MAP3K7: variants seen among roughly 807,000 people sequenced by gnomAD.
The protein encoded by MAP3K7 is TGF-beta activated kinase 1.
In MAP3K7, 21 loss-of-function variants were observed where a neutral mutation model predicts 84.8. The observed-to-expected ratio is 0.25, with a 90% CI of 0.18 to 0.36. MAP3K7 has a LOEUF of 0.36. Among genes scored for constraint, MAP3K7 ranks in the 10% least tolerant of loss-of-function variants. MAP3K7 has a pLI of 1.00. For missense variants in MAP3K7, 503 were observed against 747.7 expected, an observed-to-expected ratio of 0.67 and a Z score of 3.82; for synonymous variants, 241 against 247.7, an observed-to-expected ratio of 0.97 and a Z score of 0.25.
chr6:90,520,357 C>A (rs1170402144), intron 14 of MAP3K7, among the ~76,000 whole-genome samples: 1 of 151,458 alleles, frequency 6.6e-6, no homozygotes, highest in Non-Finnish European at 1.5e-5. Flanking sequence ...AATTTATTGT[C>A]AACTGATAAT....
chr6:90,587,042 G>T lies in MAP3K7; in HGVS notation c.-159C>A. On this transcript the variant is annotated 5_prime_UTR_variant, in exon 1 of 17. Coordinates refer to ENST00000369329, the MANE Select transcript of MAP3K7 (RefSeq NM_145331.3). ...GGGTAGAGGCAGCGGCCACAGCCGT[G>T]TCCGGCTCTGGCTCCGCTGCGTTTT... 1 of 830,462 alleles carries T rather than the reference G, an allele frequency of 1.2e-6. No homozygotes were observed. The highest frequency in any genetic ancestry group is 1.7e-6 in the Non-Finnish European group (1 of 586,434). 51.4% of individuals were successfully genotyped at this position (830,462 alleles called of 1,614,324 possible).
intron 3 of MAP3K7, 56 bp from the exon 4 acceptor site, chr6:90,561,723 T>C (rs1268239066): frequency 1.2e-5 from 15 of 1,201,766 alleles, no homozygotes; most frequent in South Asian, 6.4e-5. Flanking sequence ...TCTTAGGGCC[T>C]TTGAGAGAGA....
At chr6:90,549,087 CAG>C (rs953126497) in intron 9 of MAP3K7, among the ~76,000 whole-genome samples, 8 of 152,016 alleles carry the variant, frequency 5.3e-5, no homozygotes, top group African/African-American at 7.3e-5. Flanking sequence ...ATGCAAGAGA[CAG>C]GGGAGAATTG....
intron 13 of MAP3K7, among the ~76,000 whole-genome samples, chr6:90,525,706 T>C (rs1775299807): frequency 6.6e-6 from 1 of 151,888 alleles, no homozygotes; most frequent in South Asian, 2.1e-4. Context: ...TAACTGGGAC[T>C]ACAGGCACAC....
At chr6:90,582,695 C>T (rs1347385887) in intron 1 of MAP3K7, among the ~76,000 whole-genome samples, 1 of 152,102 alleles carries the variant, frequency 6.6e-6, no homozygotes, top group Non-Finnish European at 1.5e-5. Context: ...TAGTTTTAAA[C>T]TTGTCCCTAC....
intron 3 of MAP3K7, among the ~76,000 whole-genome samples, chr6:90,562,278 C>T (rs554392273): frequency 6.4e-4 from 97 of 152,234 alleles, no homozygotes; most frequent in African/African-American, 1.9e-3. Flanking sequence ...GGCAGGGCGT[C>T]GCCTCACCCG....
chr6:90,549,056 A>C (rs893971050), intron 9 of MAP3K7, among the ~76,000 whole-genome samples: 3 of 152,146 alleles, frequency 2.0e-5, no homozygotes, highest in African/African-American at 7.2e-5. Flanking sequence ...GGAATGATCC[A>C]GTAGAAAGCT....
intron 5 of MAP3K7, among the ~76,000 whole-genome samples, chr6:90,559,464 AAAC>A (rs1776438656): frequency 1.3e-5 from 2 of 152,282 alleles, no homozygotes; most frequent in South Asian, 4.1e-4. Context: ...AGAGAAAAGG[AAAC>A]AATATGTTTT....
Position 90,561,468 on chromosome 6 carries a change from C to T in MAP3K7, c.343+154G>A, listed in dbSNP as rs117361620. 6.9e-4 allele frequency among the ~76,000 whole-genome samples: 105 copies of T among 152,192 alleles called. 2 individuals carry two copies. In the East Asian group the frequency reaches 0.02, roughly 29 times the overall value. Reference sequence around the variant, plus strand: ...ACATACTAATGTTATAGAATCTTATCTTTCCATTTTTATTCTTAGCAGATT... The same window carrying T: ...ACATACTAATGTTATAGAATCTTATTTTTCCATTTTTATTCTTAGCAGATT... On this transcript the variant is annotated intron_variant, in intron 4 of 16. Coordinates refer to ENST00000369329, the MANE Select transcript of MAP3K7 (RefSeq NM_145331.3).
At chr6:90,575,628 G>A (rs150678458) in intron 1 of MAP3K7, among the ~76,000 whole-genome samples, 22 of 152,176 alleles carry the variant, frequency 1.4e-4, no homozygotes, top group Admixed American at 2.6e-4. Context: ...AGGAGGCTGC[G>A]GTAGGGCAGA....
intron 14 of MAP3K7, among the ~76,000 whole-genome samples, chr6:90,522,967 A>C (rs1480560319): frequency 6.6e-6 from 1 of 152,190 alleles, no homozygotes; most frequent in Non-Finnish European, 1.5e-5. Flanking sequence ...AAGTACACTT[A>C]AAAGCATTTA....
intron 12 of MAP3K7, chr6:90,537,153 C>T (rs965693913): frequency 3.4e-4 from 51 of 152,002 alleles, no homozygotes; most frequent in African/African-American, 1.2e-3. Context: ...CTTCACTCAG[C>T]ACTTTTATTT....
Position 90,553,555 on chromosome 6 carries a change from G to GT in MAP3K7, c.638_639insA (p.Phe213LeufsTer18). 1 of 1,612,822 alleles carries GT rather than the reference G, an allele frequency of 6.2e-7. No homozygotes were observed. Among genetic ancestry groups the GT allele is most frequent in the Non-Finnish European group, 8.5e-7 (1 of 1,179,572 alleles). ...CTTCCCAAAGAATAATACCCCAGCT[G>GT]AAGACGTCACATTTTTCACTGTAAT... On this transcript the variant is annotated frameshift_variant, in exon 7 of 17. Transcript: ENST00000369329. LOFTEE classifies it high-confidence loss of function.
chr6:90,543,661 T>G (rs376999189), intron 12 of MAP3K7, among the ~76,000 whole-genome samples: 8 of 152,196 alleles, frequency 5.3e-5, no homozygotes, highest in African/African-American at 1.7e-4. Flanking sequence ...AAGGACAGCA[T>G]GCTGAAGAAT....
chr6:90,541,241 T>C (rs1283568781), intron 12 of MAP3K7, among the ~76,000 whole-genome samples: 1 of 152,010 alleles, frequency 6.6e-6, no homozygotes. Flanking sequence ...CAAGTTTTAA[T>C]AAAAAACATT....
intron 1 of MAP3K7, among the ~76,000 whole-genome samples, chr6:90,582,994 T>C (rs1446161971): frequency 1.3e-5 from 2 of 151,290 alleles, no homozygotes; most frequent in African/African-American, 4.9e-5. Context: ...ACGATTCTCA[T>C]GCCTCAGCCA....
At chr6:90,536,446 C>T (rs1775681985) in intron 12 of MAP3K7, 45 bp from the exon 13 acceptor site, 3 of 1,470,942 alleles carry the variant, frequency 2.0e-6, no homozygotes, top group Non-Finnish European at 2.8e-6. Context: ...TCTAGTCAAA[C>T]AGACAAAAAG....
intron 3 of MAP3K7, among the ~76,000 whole-genome samples, chr6:90,564,301 A>T (rs1303052126): frequency 6.6e-6 from 1 of 152,204 alleles, no homozygotes; most frequent in Non-Finnish European, 1.5e-5. Flanking sequence ...AAGACCAGTA[A>T]GTGTGCTGTA....
chr6:90,586,042 G>A (rs1263963358), intron 1 of MAP3K7, among the ~76,000 whole-genome samples: 1 of 152,218 alleles, frequency 6.6e-6, no homozygotes, highest in Non-Finnish European at 1.5e-5. Context: ...AGGTACTGAA[G>A]TAGAAGTCGA....
Sources: gnomAD v4.1 joint callset for allele counts (sites outside exome capture counted in the v4.1 genomes callset) on GRCh38, gnomAD v4.1.1 for gene constraint, MANE v1.5 for transcripts, NCBI Gene and HGNC (gene_info 2026-07-23, HGNC 2026-07-21) for gene names.